RANBP2: variants seen among roughly 807,000 people sequenced by gnomAD.
RANBP2 encodes E3 SUMO-protein ligase RanBP2.
Under a neutral mutation model 303.6 loss-of-function variants are expected in RANBP2, and 57 were observed. The observed-to-expected ratio is 0.19, with a 90% confidence interval of 0.15 to 0.23. The LOEUF is 0.23. Among genes scored for constraint, RANBP2 ranks in the 10% least tolerant of loss-of-function variants. The pLI is 1.00. For synonymous variants in RANBP2, 1,167 were observed against 1,301.5 expected, an observed-to-expected ratio of 0.90 and a Z score of 2.23; for missense variants, 3,138 against 3,780.8, an observed-to-expected ratio of 0.83 and a Z score of 4.46.
At chr2:109,549,650 C>G in the RANBP2 span, among the ~76,000 whole-genome samples, 2 of 152,172 alleles carry the variant, frequency 1.3e-5, no homozygotes, top group African/African-American at 4.8e-5. Flanking sequence ...CAGTATGGTA[C>G]GATAGTCCCC....
rs773591701 is a variant in RANBP2 at position 108,766,905 on chromosome 2, G to A, written c.6366G>A (p.Leu2122=). 4 of 1,610,646 alleles carry A rather than the reference G, an allele frequency of 2.5e-6. No individual in the cohort carries two copies. Among genetic ancestry groups the A allele is most frequent in the Non-Finnish European group, 3.4e-6 (4 of 1,179,850 alleles). ...ATGGTGATGCCAAACTAGAGCAGTT[G>A]GCAGCAAAATTTAAAACACCAGAGC... ...FSDGDAKLEQ[L]AAKFKTPELA... The change falls in exon 20 of 29, where the codon TTG becomes TTA. Residue 2122 remains leucine, a synonymous_variant. Coordinates refer to ENST00000283195, the MANE Select transcript of RANBP2 (RefSeq NM_006267.5).
chr2:108,850,401 CTG>C, the RANBP2 span, among the ~76,000 whole-genome samples: 2 of 152,122 alleles, frequency 1.3e-5, no homozygotes, highest in Non-Finnish European at 2.9e-5. Flanking sequence ...ATTGAATAGA[CTG>C]TTCATATAAG....
At chr2:109,382,374 GC>G in the RANBP2 span, among the ~76,000 whole-genome samples, 2 of 151,554 alleles carry the variant, frequency 1.3e-5, no homozygotes, top group East Asian at 3.9e-4. Flanking sequence ...TCAGCCTGGG[GC>G]TGAGGCTGCC....
In RANBP2 at chr2:108,763,295, A is replaced by G. The variant is rs1336566002; in HGVS notation, c.2756A>G (p.Gln919Arg). ...PPQQHIYAYPQQMHTPPVQSS... is the reference protein window; with the variant it reads ...PPQQHIYAYPRQMHTPPVQSS... ...CAACAGCATATTTATGCCTATCCGC[A>G]ACAGATGCACACACCGCCAGTGCAA... is the stretch of plus-strand genomic sequence containing the variant. Residue 919 changes from glutamine to arginine, a missense_variant, in exon 20 of 29, where the codon CAA (glutamine) becomes CGA (arginine). Coordinates refer to ENST00000283195, the MANE Select transcript of RANBP2 (RefSeq NM_006267.5). 6.2e-7 allele frequency: 1 copy of G among 1,613,920 alleles called. No individual in the cohort carries two copies. Among genetic ancestry groups the G allele is most frequent in the South Asian group, 1.1e-5 (1 of 91,084 alleles).
At chr2:108,761,971 A>G in intron 18 of RANBP2, 130 bp from the exon 19 acceptor site, 1 of 1,070,880 alleles carries the variant, frequency 9.3e-7, no homozygotes. Flanking sequence ...ATGTACAGAA[A>G]TTTAAAATTT....
the RANBP2 span, among the ~76,000 whole-genome samples, chr2:108,845,635 G>A: frequency 6.8e-6 from 1 of 146,932 alleles, no homozygotes; most frequent in African/African-American, 2.5e-5. Flanking sequence ...GCAGTGGTGC[G>A]ACCTCGGCTC....
the RANBP2 span, among the ~76,000 whole-genome samples, chr2:109,231,997 G>A: frequency 6.6e-6 from 1 of 152,204 alleles, no homozygotes; most frequent in African/African-American, 2.4e-5. Context: ...TAGTACTGAT[G>A]TGTATGAATC....
At chr2:109,166,320 T>TA in the RANBP2 span, among the ~76,000 whole-genome samples, 1 of 151,532 alleles carries the variant, frequency 6.6e-6, no homozygotes, top group Admixed American at 6.6e-5. Context: ...CTACTAAAAA[T>TA]AAAAAAATTA....
the RANBP2 span, among the ~76,000 whole-genome samples, chr2:108,936,979 T>G: frequency 2.6e-5 from 4 of 152,180 alleles, no homozygotes; most frequent in Non-Finnish European, 5.9e-5. Context: ...GCCGGTCCTG[T>G]TCCCAGCCTC....
chr2:109,648,238 G>A, the RANBP2 span, among the ~76,000 whole-genome samples: 1 of 152,228 alleles, frequency 6.6e-6, no homozygotes, highest in Non-Finnish European at 1.5e-5. Context: ...CAACAGCAGA[G>A]AACTCAAAGG....
At chr2:108,741,811 C>CTTT (rs397872027) in intron 7 of RANBP2, among the ~76,000 whole-genome samples, 7 of 108,970 alleles carry the variant, frequency 6.4e-5, no homozygotes, top group African/African-American at 1.8e-4. Flanking sequence ...CACACCCAGC[C>CTTT]TTTTTTTTTT....
At chr2:109,464,551 T>C in the RANBP2 span, among the ~76,000 whole-genome samples, 1 of 152,086 alleles carries the variant, frequency 6.6e-6, no homozygotes, top group African/African-American at 2.4e-5. Flanking sequence ...TCCTGCAGAG[T>C]TGATCCACTT....
the RANBP2 span, among the ~76,000 whole-genome samples, chr2:108,836,315 ATGT>A: frequency 1.3e-5 from 2 of 152,284 alleles, no homozygotes; most frequent in Middle Eastern, 3.4e-3. Context: ...AGGTTCGTCC[ATGT>A]TGTAGCATGT....
chr2:109,198,912 A>G, the RANBP2 span, among the ~76,000 whole-genome samples: 1 of 152,210 alleles, frequency 6.6e-6, no homozygotes, highest in Non-Finnish European at 1.5e-5. Context: ...TTGCGTAGCT[A>G]AATGCAGAAA....
the RANBP2 span, among the ~76,000 whole-genome samples, chr2:109,468,867 A>G: frequency 6.0e-5 from 9 of 151,130 alleles, no homozygotes; most frequent in East Asian, 1.4e-3. Flanking sequence ...AAAAAAAAAA[A>G]AAAAAAAAAG....
At chr2:109,398,729 C>T in the RANBP2 span, 57 of 1,613,228 alleles carry the variant, frequency 3.5e-5, no homozygotes, top group African/African-American at 8.0e-5. Context: ...AGCTCAGGGG[C>T]GGTCAGTGCC....
chr2:109,395,686 C>G, the RANBP2 span, among the ~76,000 whole-genome samples: 1 of 152,244 alleles, frequency 6.6e-6, no homozygotes, highest in African/African-American at 2.4e-5. Context: ...TGAGCAGCCT[C>G]TCGGGGACAC....
chr2:109,551,650 T>G, the RANBP2 span, among the ~76,000 whole-genome samples: 1 of 152,348 alleles, frequency 6.6e-6, no homozygotes, highest in Non-Finnish European at 1.5e-5. Flanking sequence ...TTGAACTTTT[T>G]CCAAATAAAA....
chr2:108,725,956 T>C (rs1339955368), intron 1 of RANBP2, among the ~76,000 whole-genome samples: 1 of 152,172 alleles, frequency 6.6e-6, no homozygotes, highest in East Asian at 1.9e-4. Context: ...CAGGCATTTT[T>C]TTCTTTTAGA....
Sources: allele counts gnomAD v4.1 joint callset (sites outside exome capture counted in the v4.1 genomes callset), GRCh38; gene constraint gnomAD v4.1.1; transcripts MANE v1.5; gene names NCBI Gene and HGNC (gene_info 2026-07-23, HGNC 2026-07-21).